The following AMMECR1 variants were observed in gnomAD, a reference collection of about 807,000 sequenced individuals.
The protein encoded by AMMECR1 is nuclear protein AMMECR1.
Under a neutral mutation model 22.5 loss-of-function variants are expected in AMMECR1, and 3 were observed. That is an observed-to-expected ratio of 0.13 (90% CI 0.06 to 0.35). The LOEUF is 0.35. Among genes scored for constraint, AMMECR1 ranks in the 10% least tolerant of loss-of-function variants. AMMECR1 has a pLI of 1.00. For synonymous variants in AMMECR1, 130 were observed against 116.7 expected (o/e 1.11, Z -0.74); for missense variants, 235 against 278.7 (o/e 0.84, Z 1.12).
At chrX:110,278,746 C>A (rs1402596101) in intron 1 of AMMECR1, among the ~76,000 whole-genome samples, 1 of 111,886 alleles carries the variant, frequency 8.9e-6, no homozygotes, top group African/African-American at 3.3e-5. Context: ...TGACAGAAGA[C>A]AAATCAGCCA....
intron 2 of AMMECR1, among the ~76,000 whole-genome samples, chrX:110,370,195 T>A (rs1462804520): frequency 9.0e-6 from 1 of 111,449 alleles, no homozygotes; most frequent in Non-Finnish European, 1.9e-5. Flanking sequence ...CTTTTTAAAA[T>A]TTTTAAATTT....
At chrX:110,247,244 G>A (rs2067662855) in intron 2 of AMMECR1, among the ~76,000 whole-genome samples, 1 of 112,134 alleles carries the variant, frequency 8.9e-6, no homozygotes, top group African/African-American at 3.2e-5. Flanking sequence ...GACATGGGCT[G>A]CGCATGATAG....
chrX:110,233,553 C>A (rs981397499), intron 2 of AMMECR1, among the ~76,000 whole-genome samples: 1 of 112,054 alleles, frequency 8.9e-6, no homozygotes, highest in Non-Finnish European at 1.9e-5. Flanking sequence ...GACCAATATC[C>A]TTGATGAACA....
At chrX:110,341,638 G>C (rs1474105625) in intron 2 of AMMECR1, among the ~76,000 whole-genome samples, 2 of 112,225 alleles carry the variant, frequency 1.8e-5, no homozygotes, top group Admixed American at 9.4e-5. Flanking sequence ...TCAGTTATCA[G>C]ATCGACTGTT....
At chrX:110,323,159 T>G (rs960850907) in intron 2 of AMMECR1, among the ~76,000 whole-genome samples, 2 of 112,358 alleles carry the variant, frequency 1.8e-5, no homozygotes, top group Non-Finnish European at 3.8e-5. Flanking sequence ...ATAGCTTTTC[T>G]AAGGGGCTTG....
intron 2 of AMMECR1, among the ~76,000 whole-genome samples, chrX:110,404,988 G>A (rs2068588888): frequency 9.1e-6 from 1 of 109,903 alleles, no homozygotes; most frequent in Non-Finnish European, 1.9e-5. Flanking sequence ...AGCCTAAAGT[G>A]TTTACTTTTG....
chrX:110,324,513 C>G (rs1323778903), intron 2 of AMMECR1, among the ~76,000 whole-genome samples: 1 of 110,971 alleles, frequency 9.0e-6, no homozygotes, highest in Non-Finnish European at 1.9e-5. Flanking sequence ...TTGATGAGAG[C>G]AGACATCCCT....
chrX:110,268,680 T>G (rs752170990), intron 1 of AMMECR1, among the ~76,000 whole-genome samples: 7 of 111,778 alleles, frequency 6.3e-5, no homozygotes, highest in Non-Finnish European at 1.3e-4. Context: ...AGGGAAGGAA[T>G]AGGCAATTTC....
At chrX:110,435,698 A>G (rs759795792) in intron 1 of AMMECR1, among the ~76,000 whole-genome samples, 1 of 111,799 alleles carries the variant, frequency 8.9e-6, no homozygotes, top group Non-Finnish European at 1.9e-5. Flanking sequence ...ACTTCTACTG[A>G]TTTCTCTGTT....
intron 2 of AMMECR1, among the ~76,000 whole-genome samples, chrX:110,332,859 T>C (rs2068125907): frequency 9.0e-6 from 1 of 111,473 alleles, no homozygotes; most frequent in African/African-American, 3.3e-5. Flanking sequence ...GGAGTAATGG[T>C]AGATTCCATG....
intron 2 of AMMECR1, among the ~76,000 whole-genome samples, chrX:110,230,191 G>C (rs1015007381): frequency 1.8e-5 from 2 of 112,754 alleles, no homozygotes; most frequent in Non-Finnish European, 3.8e-5. Flanking sequence ...AGAACAGACA[G>C]ACTGCCTCTT....
At position 110,318,057 on chromosome X, in the gene AMMECR1, G is replaced by A; in HGVS notation, c.15C>T (p.Cys5=). MAAG[C]CGVKKQKLSS... is the part of the protein sequence containing the mutation. ...ACAGTTTCTGCTTCTTCACCCCGCA[G>A]CAACCCGCCGCCATCTTGGAACAGT... The change falls in exon 1 of 6, where the codon TGC becomes TGT. Residue 5 remains cysteine (C), a synonymous_variant. Coordinates refer to ENST00000262844, the MANE Select transcript of AMMECR1 (RefSeq NM_015365.3). The A allele has an allele frequency of 8.3e-7, 1 of 1,199,793 alleles. No homozygotes were observed. The highest frequency in any genetic ancestry group is 1.1e-6 in the Non-Finnish European group (1 of 890,536).
chrX:110,334,078 T>C (rs930237138), intron 2 of AMMECR1, among the ~76,000 whole-genome samples: 15 of 112,073 alleles, frequency 1.3e-4, no homozygotes, highest in African/African-American at 4.2e-4. Flanking sequence ...TTTAAAAATG[T>C]TTCTTTTTAT....
chrX:110,421,636 G>A (rs2068718133), intron 2 of AMMECR1, among the ~76,000 whole-genome samples: 1 of 112,934 alleles, frequency 8.9e-6, no homozygotes, highest in African/African-American at 3.2e-5. Context: ...GATTATAGAA[G>A]TGTAAACAAA....
At chrX:110,388,291 T>C (rs1321905257) in intron 2 of AMMECR1, among the ~76,000 whole-genome samples, 1 of 112,217 alleles carries the variant, frequency 8.9e-6, no homozygotes, top group African/African-American at 3.2e-5. Context: ...TCAGGTGGTA[T>C]TTGTTATTGA....
chrX:110,388,146 C>T (rs1178137530), intron 2 of AMMECR1, among the ~76,000 whole-genome samples: 9 of 111,652 alleles, frequency 8.1e-5, no homozygotes. Flanking sequence ...GGATTACAGG[C>T]GTGAGCCACC....
intron 1 of AMMECR1, among the ~76,000 whole-genome samples, chrX:110,275,678 A>T (rs1414104672): frequency 9.1e-6 from 1 of 110,143 alleles, no homozygotes; most frequent in Non-Finnish European, 1.9e-5. Flanking sequence ...TAAAAATATA[A>T]AATTAGCTGG....
chrX:110,366,040 C>G (rs371674992), intron 2 of AMMECR1, among the ~76,000 whole-genome samples: 20 of 111,767 alleles, frequency 1.8e-4, no homozygotes, highest in African/African-American at 6.5e-4. Flanking sequence ...ACTGGCTCAG[C>G]TGCAGAATAG....
At chrX:110,208,515 G>A (rs756763470) in intron 3 of AMMECR1, among the ~76,000 whole-genome samples, 2 of 111,653 alleles carry the variant, frequency 1.8e-5, no homozygotes, top group East Asian at 2.8e-4. Context: ...ACTAATTAGG[G>A]CCAATTTTGA....
Sources: allele counts gnomAD v4.1 joint callset (sites outside exome capture counted in the v4.1 genomes callset), GRCh38; gene constraint gnomAD v4.1.1; transcripts MANE v1.5; gene names NCBI Gene and HGNC (gene_info 2026-07-23, HGNC 2026-07-21).